The following FAM227B variants were observed in gnomAD, a reference collection of about 807,000 sequenced individuals.
FAM227B encodes the protein family with sequence similarity 227 member B.
A neutral mutation model predicts 73.8 loss-of-function variants in FAM227B; 88 were observed. That is an observed-to-expected ratio of 1.19 (90% confidence interval 1.00 to 1.42). FAM227B has a LOEUF of 1.42. Among genes scored for constraint, FAM227B ranks in the 40% most tolerant of loss-of-function variants. The probability of loss-of-function intolerance (pLI) is 0.00; values close to 1 mark genes in which losing one functional copy is unlikely to be tolerated. For missense variants in FAM227B, 632 were observed against 590.9 expected (o/e 1.07, Z -0.72); for synonymous variants, 210 against 190.5 (o/e 1.10, Z -0.84).
chr15:49,408,571 T>A (rs564390378), intron 11 of FAM227B, among the ~76,000 whole-genome samples: 1 of 152,324 alleles, frequency 6.6e-6, no homozygotes, highest in East Asian at 1.9e-4. Context: ...ATCTTCCATA[T>A]CCTTTAACAT....
intron 11 of FAM227B, among the ~76,000 whole-genome samples, chr15:49,493,462 T>C (rs1597578427): frequency 6.6e-6 from 1 of 151,994 alleles, no homozygotes; most frequent in East Asian, 1.9e-4. Flanking sequence ...GTCTATATTG[T>C]CTCTATCATC....
At chr15:49,412,762 T>C (rs887788779) in intron 11 of FAM227B, among the ~76,000 whole-genome samples, 7 of 152,116 alleles carry the variant, frequency 4.6e-5, no homozygotes, top group South Asian at 4.1e-4. Flanking sequence ...TTAAAATGCA[T>C]AGTCAATACT....
chr15:49,330,619 A>T (rs1006334318), intron 15 of FAM227B: 2 of 152,100 alleles, frequency 1.3e-5, no homozygotes, highest in Admixed American at 6.6e-5. Context: ...CTGACACTCA[A>T]ATCATTTACC....
intron 13 of FAM227B, among the ~76,000 whole-genome samples, chr15:49,354,878 T>A (rs553952296): frequency 4.6e-5 from 7 of 151,808 alleles, no homozygotes; most frequent in Admixed American, 1.3e-4. Context: ...TCTCCCAGCA[T>A]GCAGCTGGAG....
intron 11 of FAM227B, among the ~76,000 whole-genome samples, chr15:49,421,958 G>C (rs369120853): frequency 6.6e-6 from 1 of 152,190 alleles, no homozygotes; most frequent in Non-Finnish European, 1.5e-5. Flanking sequence ...CATATGAAGA[G>C]TAACTGGGTA....
At chr15:49,591,362 ACCCTCCCTCCCT>A (rs1318266574) in intron 3 of FAM227B, among the ~76,000 whole-genome samples, 1 of 102,416 alleles carries the variant, frequency 9.8e-6, no homozygotes, top group Non-Finnish European at 1.9e-5. Flanking sequence ...GAGCCACCAC[ACCCTCCCTCCCT>A]CCCTCCCTTC....
intron 11 of FAM227B, among the ~76,000 whole-genome samples, chr15:49,439,984 C>T (rs779784777): frequency 3.3e-5 from 5 of 151,648 alleles, no homozygotes; most frequent in Non-Finnish European, 5.9e-5. Context: ...GGATTCAAAG[C>T]GTTTATCACA....
At chr15:49,453,769 C>G (rs537174314) in intron 11 of FAM227B, among the ~76,000 whole-genome samples, 1 of 152,238 alleles carries the variant, frequency 6.6e-6, no homozygotes, top group Non-Finnish European at 1.5e-5. Flanking sequence ...CACTAGATAG[C>G]TCTCCTGATG....
chr15:49,355,676 A>G (rs938223460), intron 13 of FAM227B, among the ~76,000 whole-genome samples: 1 of 151,738 alleles, frequency 6.6e-6, no homozygotes, highest in South Asian at 2.1e-4. Context: ...GCAGGATATT[A>G]TCCAGGAGAA....
intron 13 of FAM227B, among the ~76,000 whole-genome samples, chr15:49,347,502 C>T (rs1345418744): frequency 3.3e-5 from 5 of 152,118 alleles, no homozygotes; most frequent in African/African-American, 4.8e-5. Context: ...CACCCTCATA[C>T]TAGTATCAGT....
intron 10 of FAM227B, among the ~76,000 whole-genome samples, chr15:49,518,156 C>T (rs1303896172): frequency 1.3e-5 from 2 of 152,156 alleles, no homozygotes; most frequent in Non-Finnish European, 1.5e-5. Context: ...ACCTGGAAGT[C>T]ATACATATTC....
chr15:49,395,406 A>G (rs2047509772), intron 11 of FAM227B, among the ~76,000 whole-genome samples: 1 of 152,194 alleles, frequency 6.6e-6, no homozygotes, highest in African/African-American at 2.4e-5. Context: ...ACTGGAAACA[A>G]CGGGCAAGGG....
chr15:49,561,503 T>C (rs2074253459), intron 9 of FAM227B, among the ~76,000 whole-genome samples: 1 of 152,148 alleles, frequency 6.6e-6, no homozygotes, highest in South Asian at 2.1e-4. Flanking sequence ...AATTCAACAC[T>C]TGATCAGTTG....
intron 2 of FAM227B, among the ~76,000 whole-genome samples, chr15:49,613,737 C>T (rs1287008955): frequency 1.3e-5 from 2 of 151,296 alleles, no homozygotes; most frequent in Non-Finnish European, 2.9e-5. Context: ...TCATGTATGC[C>T]ATAAATATAT....
At chr15:49,352,715 T>G (rs553094962) in intron 13 of FAM227B, among the ~76,000 whole-genome samples, 122 of 152,296 alleles carry the variant, frequency 8.0e-4, no homozygotes, top group African/African-American at 2.9e-3. Context: ...TAAAATAGCT[T>G]GGTCATCACA....
rs765631588 is a variant in FAM227B at position 49,335,381 on chromosome 15, ATTATT to A, written c.1349+33_1349+37del. The A allele has an allele frequency of 3.0e-6, 4 of 1,344,022 alleles. No homozygotes were observed. The African/African-American group carries it at 4.4e-5, about 15-fold the overall frequency. The allele number at this position is 1,344,022 out of a possible 1,614,324, so 83.3% of individuals were successfully genotyped here. On this transcript the variant is annotated intron_variant, in intron 14 of 15. Coordinates refer to ENST00000299338, the MANE Select transcript of FAM227B (RefSeq NM_152647.3). ...TGATTGTTTCCAGTTCTAAAAAAGT[ATTATT>A]TTATATTTAACAATAGTATAGCATC...
chr15:49,382,136 CTT>C (rs1299917345), intron 11 of FAM227B, among the ~76,000 whole-genome samples: 3 of 151,752 alleles, frequency 2.0e-5, no homozygotes, highest in Non-Finnish European at 4.4e-5. Context: ...ACAGGGCAAA[CTT>C]ATTCTAAAGT....
intron 11 of FAM227B, among the ~76,000 whole-genome samples, chr15:49,454,238 A>C (rs1032745595): frequency 6.6e-6 from 1 of 152,192 alleles, no homozygotes; most frequent in Non-Finnish European, 1.5e-5. Context: ...GGAATCCCTG[A>C]AATATACCAT....
intron 11 of FAM227B, among the ~76,000 whole-genome samples, chr15:49,507,241 C>A (rs1415124394): frequency 2.0e-5 from 3 of 151,996 alleles, no homozygotes; most frequent in African/African-American, 7.2e-5. Context: ...TAGTGATGCT[C>A]TAAATTCAAA....
Sources: allele counts gnomAD v4.1 joint callset (sites outside exome capture counted in the v4.1 genomes callset), GRCh38; gene constraint gnomAD v4.1.1; transcripts MANE v1.5; gene names NCBI Gene and HGNC (gene_info 2026-07-23, HGNC 2026-07-21).